HNF4A: variants seen among roughly 807,000 people sequenced by gnomAD.
HNF4A encodes hepatocyte nuclear factor 4 alpha, also known as hepatocyte nuclear factor 4-alpha.
A neutral mutation model predicts 52.4 loss-of-function variants in HNF4A; 15 were observed. That is an observed-to-expected ratio of 0.29 (90% CI 0.19 to 0.44). The LOEUF (loss-of-function observed/expected upper bound fraction) is 0.44, where lower values mean the gene tolerates loss of function less well. HNF4A is among the 20% of genes least tolerant of loss of function. The pLI, the probability that HNF4A is intolerant of heterozygous loss-of-function variation, is 1.00. For synonymous variants in HNF4A, 280 were observed against 264.4 expected (o/e 1.06, Z -0.57); for missense variants, 479 against 647.2 (o/e 0.74, Z 2.82).
At chr20:44,363,706 CTTTTTTT>C (rs11480026) in intron 1 of HNF4A, among the ~76,000 whole-genome samples, 3 of 107,480 alleles carry the variant, frequency 2.8e-5, no homozygotes, top group South Asian at 3.3e-4. Context: ...TCCATCTACT[CTTTTTTT>C]TTTTTTTTTT....
intron 3 of HNF4A, among the ~76,000 whole-genome samples, chr20:44,412,841 G>C (rs559958922): frequency 6.6e-6 from 1 of 152,262 alleles, no homozygotes; most frequent in African/African-American, 2.4e-5. Flanking sequence ...GGCTGGCAGG[G>C]AAATGCCTAC....
intron 1 of HNF4A, chr20:44,401,529 G>A: frequency 6.2e-7 from 1 of 1,611,096 alleles, no homozygotes; most frequent in South Asian, 1.1e-5. Context: ...AGTGGGGGCA[G>A]GTGTGCCTGG....
intron 6 of HNF4A, 69 bp from the exon 7 acceptor site, chr20:44,419,652 A>T: frequency 6.6e-7 from 1 of 1,521,186 alleles, no homozygotes; most frequent in South Asian, 1.1e-5. Context: ...CCAACTTAAA[A>T]GCCAAAACTA....
intron 1 of HNF4A, among the ~76,000 whole-genome samples, chr20:44,365,680 C>G (rs534702646): frequency 6.6e-6 from 1 of 152,174 alleles, no homozygotes; most frequent in African/African-American, 2.4e-5. Context: ...ATTTACTAGA[C>G]CTATAAGTAG....
chr20:44,405,681 C>T (rs2063489894), intron 1 of HNF4A, among the ~76,000 whole-genome samples: 1 of 152,210 alleles, frequency 6.6e-6, no homozygotes, highest in South Asian at 2.1e-4. Flanking sequence ...AACTGAGGGA[C>T]AGGACCTGGT....
chr20:44,388,644 G>T lies in HNF4A; in HGVS notation c.50-17414G>T, dbSNP rs111391347. Among the ~76,000 whole-genome samples, 664 of 152,226 alleles carry T rather than the reference G, an allele frequency of 4.4e-3. 4 individuals are homozygous for T. The highest frequency in any genetic ancestry group is 0.015 in the African/African-American group (613 of 41,488). ...GATTGGCGGGATTGCTGTGATTGGTGAAGTCCCTAAGGCTATCTAAGTTTC... is the reference window on the plus strand; with the variant it reads ...GATTGGCGGGATTGCTGTGATTGGTTAAGTCCCTAAGGCTATCTAAGTTTC... On this transcript the variant is annotated intron_variant, in intron 1 of 9. Coordinates refer to the HNF4A transcript ENST00000316673.
chr20:44,404,995 T>G (rs1266625455), intron 1 of HNF4A, among the ~76,000 whole-genome samples: 3 of 8,880 alleles, frequency 3.4e-4, no homozygotes, highest in Non-Finnish European at 4.8e-4. Context: ...GTGTGTGTGC[T>G]TGTGTGTGGT....
At chr20:44,363,678 T>C (rs988215805) in intron 1 of HNF4A, among the ~76,000 whole-genome samples, 1 of 150,832 alleles carries the variant, frequency 6.6e-6, no homozygotes, top group South Asian at 2.1e-4. Context: ...CTCACTCAAG[T>C]CCTTCTCCTG....
At chr20:44,371,341 G>A (rs1211041832) in intron 1 of HNF4A, among the ~76,000 whole-genome samples, 1 of 152,150 alleles carries the variant, frequency 6.6e-6, no homozygotes, top group Non-Finnish European at 1.5e-5. Context: ...GCAATGGTTC[G>A]ATCTGGGCTC....
chr20:44,419,771 C>A lies in HNF4A; in HGVS notation c.787C>A (p.Arg263=), dbSNP rs761602960. 5.0e-6 allele frequency: 8 copies of A among 1,614,136 alleles called. No homozygotes were observed. Among genetic ancestry groups the A allele is most frequent in the Non-Finnish European group, 6.8e-6 (8 of 1,180,010 alleles). ...CTGCCCGGAGCTGGCGGAGATGAGC[C>A]GGGTGTCCATACGCATCCTTGACGA... The change falls in exon 7 of 10, where the codon CGG becomes AGG. Residue 263 remains arginine, a synonymous_variant. Coordinates refer to ENST00000316099, the MANE Select transcript of HNF4A (RefSeq NM_000457.6).
chr20:44,390,598 G>A lies in HNF4A; in HGVS notation c.50-15460G>A, dbSNP rs745978135. 28 of 702,252 alleles carry A rather than the reference G, an allele frequency of 4.0e-5. 1 individual carries two copies. The South Asian group carries it at 4.0e-4, about 10-fold the overall frequency. 43.5% of individuals were successfully genotyped at this position (702,252 alleles called of 1,614,324 possible). On this transcript the variant is annotated intron_variant, in intron 1 of 9. Coordinates refer to the HNF4A transcript ENST00000316673. ...CAGCAGGAGCTCCCTCAAGGATGAA[G>A]AGGTTGTGCACTGTGCGGGACCCCA...
chr20:44,400,948 G>T (rs13037616), upstream of HNF4A, among the ~76,000 whole-genome samples: 1 of 152,224 alleles, frequency 6.6e-6, no homozygotes, highest in South Asian at 2.1e-4. Context: ...GTATCAGTTA[G>T]AATGCCTGAC....
At chr20:44,400,131 C>A (rs2063389461), upstream of HNF4A, among the ~76,000 whole-genome samples, 2 of 152,166 alleles carry the variant, frequency 1.3e-5, no homozygotes, top group South Asian at 2.1e-4. Context: ...TTTCAGGGCC[C>A]CGTCCAAAAC....
intron 1 of HNF4A, among the ~76,000 whole-genome samples, chr20:44,374,500 G>A (rs1202592375): frequency 6.6e-6 from 1 of 152,134 alleles, no homozygotes; most frequent in African/African-American, 2.4e-5. Context: ...GTCTCACTCT[G>A]TCACCCAGGC....
At chr20:44,390,716 A>C in intron 1 of HNF4A, 1 of 699,404 alleles carries the variant, frequency 1.4e-6, no homozygotes, top group South Asian at 1.5e-5. Context: ...GGAAGGAAGG[A>C]TGGGATGGTA....
chr20:44,371,619 AT>A (rs2146207242), intron 1 of HNF4A, among the ~76,000 whole-genome samples: 1 of 152,154 alleles, frequency 6.6e-6, no homozygotes, highest in East Asian at 1.9e-4. Context: ...GAGGTCAGGA[AT>A]TCGAGATCAG....
chr20:44,368,134 G>GTATACATA (rs1426264904), intron 1 of HNF4A, among the ~76,000 whole-genome samples: 3 of 56,396 alleles, frequency 5.3e-5, no homozygotes, highest in African/African-American at 2.4e-4. Flanking sequence ...GTGTGTGTGT[G>GTATACATA]TATATACATA....
At chr20:44,419,214 G>A (rs1244527898) in intron 6 of HNF4A, among the ~76,000 whole-genome samples, 2 of 152,192 alleles carry the variant, frequency 1.3e-5, no homozygotes, top group East Asian at 3.9e-4. Flanking sequence ...CTGTGTGCCA[G>A]GGACTGTGCT....
chr20:44,404,983 G>A (rs1162577799), intron 1 of HNF4A, among the ~76,000 whole-genome samples: 25 of 10,266 alleles, frequency 2.4e-3, no homozygotes, highest in Admixed American at 0.018. Context: ...GGTGTGTAAG[G>A]TGTGTGTGTG....
Sources: allele counts gnomAD v4.1 joint callset (sites outside exome capture counted in the v4.1 genomes callset), GRCh38; gene constraint gnomAD v4.1.1; transcripts MANE v1.5; gene names NCBI Gene and HGNC (gene_info 2026-07-23, HGNC 2026-07-21).